The following GLRA1 variants were observed in gnomAD, a reference collection of about 807,000 sequenced individuals.
The protein encoded by GLRA1 is glycine receptor alpha 1, also known as glycine receptor subunit alpha-1.
GLRA1 carries 37 observed loss-of-function variants against 48.3 expected under a neutral mutation model. That is an observed-to-expected ratio of 0.77 (90% CI 0.59 to 1.01). The LOEUF is 1.01. Among genes scored for constraint, GLRA1 ranks in the 50% least tolerant of loss-of-function variants. The pLI, the probability that GLRA1 is intolerant of heterozygous loss-of-function variation, is 0.00. For synonymous variants in GLRA1, 196 were observed against 210.7 expected, an observed-to-expected ratio of 0.93 and a Z score of 0.60; for missense variants, 427 against 571.0, an observed-to-expected ratio of 0.75 and a Z score of 2.57.
At chr5:151,849,970 T>G in intron 7 of GLRA1, 1 of 1,593,208 alleles carries the variant, frequency 6.3e-7, no homozygotes, top group Non-Finnish European at 8.6e-7. Flanking sequence ...GCTGGTGTTC[T>G]GTGAAGTTTT....
chr5:151,861,586 G>T (rs972842911), intron 3 of GLRA1, among the ~76,000 whole-genome samples: 2 of 151,088 alleles, frequency 1.3e-5, no homozygotes, highest in African/African-American at 2.4e-5. Context: ...TTGTTTTTTT[G>T]CTTGTAAATT....
At chr5:151,877,050 A>C (rs1753643719) in intron 3 of GLRA1, among the ~76,000 whole-genome samples, 1 of 152,186 alleles carries the variant, frequency 6.6e-6, no homozygotes, top group Non-Finnish European at 1.5e-5. Flanking sequence ...CTCTGGTGGC[A>C]CCTGGAACTT....
chr5:151,887,239 A>G (rs1464443543), intron 2 of GLRA1, among the ~76,000 whole-genome samples: 2 of 152,186 alleles, frequency 1.3e-5, no homozygotes, highest in South Asian at 4.1e-4. Flanking sequence ...CATTGATGGG[A>G]ATTACCAGCT....
chr5:151,894,107 A>T (rs1754170575), intron 1 of GLRA1, among the ~76,000 whole-genome samples: 1 of 152,082 alleles, frequency 6.6e-6, no homozygotes, highest in Non-Finnish European at 1.5e-5. Context: ...TGGGGCTGGG[A>T]TGTTGGAGGA....
chr5:151,893,301 T>TTTCC (rs1754138684), intron 1 of GLRA1, among the ~76,000 whole-genome samples: 1 of 135,620 alleles, frequency 7.4e-6, no homozygotes, highest in Non-Finnish European at 1.6e-5. Context: ...TCTTTCTTTC[T>TTTCC]TTCTTTCTTT....
intron 3 of GLRA1, among the ~76,000 whole-genome samples, chr5:151,878,198 C>T (rs143645569): frequency 1.8e-4 from 28 of 152,254 alleles, no homozygotes; most frequent in African/African-American, 5.3e-4. Flanking sequence ...GCAAAGGTGA[C>T]GCTTGTTATG....
At position 151,828,959 on chromosome 5, in the gene GLRA1, C is replaced by G. The variant is rs200218897; in HGVS notation, c.1021G>C (p.Glu341Gln). ...CGCTTCCTCCTGAATCGGAGCAGCT[C>G]CTTATGTTGCCGAGACACAAAGTTA... is the stretch of plus-strand genomic sequence containing the variant. ...AVNFVSRQHK[E>Q]LLRFRRKRRH... Residue 341 changes from glutamate (E) to glutamine (Q), a missense_variant, in exon 8 of 9, where the codon GAG (glutamate) becomes CAG (glutamine). This residue lies in a region of GLRA1 where 271 missense variants were observed against 434.9 expected (regional missense o/e 0.62). Coordinates refer to ENST00000274576, the MANE Select transcript of GLRA1 (RefSeq NM_000171.4). The G allele has an allele frequency of 1.2e-6, 2 of 1,614,114 alleles. No homozygotes were observed. Among genetic ancestry groups the G allele is most frequent in the Non-Finnish European group, 1.7e-6 (2 of 1,179,988 alleles).
At chr5:151,886,889 T>C in intron 2 of GLRA1, 101 bp from the exon 3 acceptor site, 6 of 869,162 alleles carry the variant, frequency 6.9e-6, no homozygotes, top group South Asian at 5.3e-5. Flanking sequence ...GGATCGCCTT[T>C]GGTGGAGGAG....
intron 7 of GLRA1, among the ~76,000 whole-genome samples, chr5:151,849,376 G>A (rs148286422): frequency 7.6e-5 from 1 of 13,180 alleles, no homozygotes; most frequent in African/African-American, 4.6e-4. Flanking sequence ...TCTTCCTTTC[G>A]TTTCCTTTCC....
intron 8 of GLRA1, among the ~76,000 whole-genome samples, chr5:151,826,342 G>A (rs984588032): frequency 2.0e-5 from 3 of 152,128 alleles, no homozygotes; most frequent in Non-Finnish European, 2.9e-5. Flanking sequence ...CTGGCCTTCC[G>A]GCTACTAGTT....
chr5:151,917,761 A>G (rs1393320979), intron 1 of GLRA1, among the ~76,000 whole-genome samples: 1 of 152,182 alleles, frequency 6.6e-6, no homozygotes, highest in East Asian at 1.9e-4. Context: ...AGATTCCATG[A>G]TTCTGTTGAT....
chr5:151,854,815 G>A (rs1752994024), intron 6 of GLRA1, among the ~76,000 whole-genome samples: 4 of 152,178 alleles, frequency 2.6e-5, no homozygotes, highest in Admixed American at 2.6e-4. Flanking sequence ...AATAATGACT[G>A]TATTTACCAG....
At chr5:151,865,579 G>A (rs1753314376) in intron 3 of GLRA1, among the ~76,000 whole-genome samples, 1 of 152,132 alleles carries the variant, frequency 6.6e-6, no homozygotes, top group Non-Finnish European at 1.5e-5. Flanking sequence ...AGTAAAGATG[G>A]ACATTATTAC....
In GLRA1 at chr5:151,823,002, A is replaced by G. The variant is rs546773463; in HGVS notation, c.1060-39T>C. Reference sequence around the variant, plus strand: ...AACATGGGGCTCTACTTAAAATAAGACAGGGGCTAGGCACCCTCCCTGCAA... The same window carrying G: ...AACATGGGGCTCTACTTAAAATAAGGCAGGGGCTAGGCACCCTCCCTGCAA... On this transcript the variant is annotated intron_variant, in intron 8 of 8. Coordinates refer to ENST00000274576, the MANE Select transcript of GLRA1 (RefSeq NM_000171.4). 2.3e-5 allele frequency: 36 copies of G among 1,550,948 alleles called. No homozygotes were observed. The East Asian group carries it at 7.7e-4, about 33-fold the overall frequency.
intron 3 of GLRA1, among the ~76,000 whole-genome samples, chr5:151,875,395 AAC>A (rs1243214881): frequency 6.6e-6 from 1 of 152,058 alleles, no homozygotes; most frequent in African/African-American, 2.4e-5. Context: ...GCTGGTCTTG[AAC>A]TCTTAGCTTC....
At chr5:151,873,460 G>A (rs1259680381) in intron 3 of GLRA1, among the ~76,000 whole-genome samples, 38 of 149,676 alleles carry the variant, frequency 2.5e-4, no homozygotes, top group Admixed American at 2.5e-3. Flanking sequence ...AGGAATTTGA[G>A]ACCAGCCTGG....
chr5:151,845,099 T>A (rs935527871), intron 7 of GLRA1, among the ~76,000 whole-genome samples: 1 of 152,198 alleles, frequency 6.6e-6, no homozygotes, highest in South Asian at 2.1e-4. Context: ...CATAGGTGTA[T>A]TACCTGTGGC....
intron 1 of GLRA1, among the ~76,000 whole-genome samples, chr5:151,923,921 T>C (rs945996916): frequency 6.6e-6 from 1 of 152,164 alleles, no homozygotes; most frequent in Non-Finnish European, 1.5e-5. Flanking sequence ...AATACTATTG[T>C]TTCCAAGCAC....
Position 151,851,464 on chromosome 5 carries a change from G to T in GLRA1, c.838C>A (p.Arg280Ser). 3.1e-6 allele frequency: 5 copies of T among 1,614,038 alleles called. No homozygotes were observed. The highest frequency in any genetic ancestry group is 4.2e-6 in the Non-Finnish European group (5 of 1,179,924). The change falls in exon 7 of 9, where the codon CGT becomes AGT. Residue 280 changes from arginine to serine, a missense_variant. Around this residue, in one of 4 missense-constraint regions of GLRA1, gnomAD observed 271 missense variants for 434.9 expected, o/e 0.62. Transcript: ENST00000274576. ...FWINMDAAPA[R>S]VGLGITTVLT... ...ACAGTGGTGATGCCTAGGCCCACAC[G>T]AGCAGGTGCAGCATCCATGTTGATC...
Sources: allele counts gnomAD v4.1 joint callset (sites outside exome capture counted in the v4.1 genomes callset), GRCh38; gene constraint gnomAD v4.1.1; regional missense constraint gnomAD v4.1.1; transcripts MANE v1.5; gene names NCBI Gene and HGNC (gene_info 2026-07-23, HGNC 2026-07-21).